The following ARK2C variants were observed in gnomAD, a reference collection of about 807,000 sequenced individuals.
The protein encoded by ARK2C is E3 ubiquitin-protein ligase ARK2C.
chr18:46,355,777 C>T, the ARK2C span, among the ~76,000 whole-genome samples: 1 of 152,348 alleles, frequency 6.6e-6, no homozygotes, highest in East Asian at 1.9e-4. Flanking sequence ...CCCCTCAAGA[C>T]CTTCTCCAAA....
the ARK2C span, among the ~76,000 whole-genome samples, chr18:46,421,353 C>T: frequency 6.6e-6 from 1 of 151,688 alleles, no homozygotes; most frequent in Admixed American, 6.6e-5. Context: ...CCTCCATGCT[C>T]ACCTGTTCGT....
the ARK2C span, among the ~76,000 whole-genome samples, chr18:46,431,829 T>G: frequency 6.6e-6 from 1 of 152,228 alleles, no homozygotes; most frequent in Non-Finnish European, 1.5e-5. Flanking sequence ...CCTTCCAAAG[T>G]AGCCACTGCC....
chr18:46,450,650 C>A, the ARK2C span: 1 of 1,350,168 alleles, frequency 7.4e-7, no homozygotes, highest in Non-Finnish European at 1.1e-6. Context: ...ATCCTGTGTG[C>A]ATGTGGGCAT....
chr18:46,448,026 A>G, the ARK2C span, among the ~76,000 whole-genome samples: 2 of 145,588 alleles, frequency 1.4e-5, no homozygotes, highest in Admixed American at 1.4e-4. Flanking sequence ...CGGCTTCCAT[A>G]TGACCTAGCT....
the ARK2C span, among the ~76,000 whole-genome samples, chr18:46,384,209 C>T: frequency 2.0e-5 from 3 of 152,190 alleles, no homozygotes; most frequent in East Asian, 3.9e-4. Context: ...GCCAACCCCT[C>T]CCTCCATCTA....
chr18:46,435,161 A>G, the ARK2C span: 5 of 689,358 alleles, frequency 7.3e-6, no homozygotes, highest in African/African-American at 8.9e-5. Flanking sequence ...AGTGCTTGCT[A>G]GACTGTGGGT....
the ARK2C span, among the ~76,000 whole-genome samples, chr18:46,381,964 C>A: frequency 5.3e-5 from 8 of 152,220 alleles, no homozygotes; most frequent in Non-Finnish European, 1.0e-4. Flanking sequence ...CCCGCAGGGC[C>A]TCCCTTCTCT....
At chr18:46,357,129 A>G in the ARK2C span, among the ~76,000 whole-genome samples, 1 of 152,326 alleles carries the variant, frequency 6.6e-6, no homozygotes, top group South Asian at 2.1e-4. Context: ...TTGTTTTATC[A>G]TTAAAGAGGA....
chr18:46,453,720 G>T, the ARK2C span, among the ~76,000 whole-genome samples: 1 of 151,780 alleles, frequency 6.6e-6, no homozygotes, highest in Non-Finnish European at 1.5e-5. Flanking sequence ...AAATAGTAAT[G>T]ATGTAAGAAT....
chr18:46,353,179 A>ATCTAAAAATGAGATGATGTCTG, the ARK2C span, among the ~76,000 whole-genome samples: 1 of 152,370 alleles, frequency 6.6e-6, no homozygotes, highest in Non-Finnish European at 1.5e-5. Context: ...AGAATGTTAG[A>ATCTAAAAATGAGATGATGTCTG]TCTAAAAATG....
the ARK2C span, among the ~76,000 whole-genome samples, chr18:46,349,119 T>G: frequency 1.3e-5 from 2 of 152,190 alleles, no homozygotes; most frequent in Non-Finnish European, 2.9e-5. Context: ...GGTGACTGCC[T>G]GAATTACTTC....
chr18:46,361,529 C>T, the ARK2C span, among the ~76,000 whole-genome samples: 2 of 152,212 alleles, frequency 1.3e-5, no homozygotes, highest in Non-Finnish European at 2.9e-5. Flanking sequence ...CCCGGCCACA[C>T]GGTTCCCCTC....
chr18:46,456,178 T>C, the ARK2C span: 1 of 749,238 alleles, frequency 1.3e-6, no homozygotes, highest in Non-Finnish European at 2.3e-6. Context: ...CTTGTTTGCT[T>C]GTGCACGTAT....
At chr18:46,450,421 C>A in the ARK2C span, 261 of 1,546,288 alleles carry the variant, frequency 1.7e-4, 3 homozygotes, top group South Asian at 2.8e-3. Context: ...CTGTCTGGTA[C>A]CAACTGGGTT....
chr18:46,432,894 G>A, the ARK2C span, among the ~76,000 whole-genome samples: 1 of 152,182 alleles, frequency 6.6e-6, no homozygotes, highest in African/African-American at 2.4e-5. Flanking sequence ...GCAGTGAGCC[G>A]AGATCGCGCC....
At chr18:46,393,981 G>C in the ARK2C span, among the ~76,000 whole-genome samples, 1 of 152,208 alleles carries the variant, frequency 6.6e-6, no homozygotes, top group African/African-American at 2.4e-5. Flanking sequence ...GGATGCAGTG[G>C]GGCTGGCCCC....
At chr18:46,422,282 T>C in the ARK2C span, among the ~76,000 whole-genome samples, 1 of 152,222 alleles carries the variant, frequency 6.6e-6, no homozygotes, top group Non-Finnish European at 1.5e-5. Context: ...ATTTTTCCTG[T>C]ATCACTTTCC....
the ARK2C span, among the ~76,000 whole-genome samples, chr18:46,402,519 T>G: frequency 0.21 from 31,347 of 152,100 alleles, 3,654 homozygotes; most frequent in Non-Finnish European, 0.27. Context: ...ATGTGTGTGT[T>G]TTTTTTTCTT....
chr18:46,412,817 A>T, the ARK2C span, among the ~76,000 whole-genome samples: 2 of 151,978 alleles, frequency 1.3e-5, no homozygotes, highest in Non-Finnish European at 2.9e-5. Context: ...CAGATGGCAC[A>T]CCTGTGGGCC....
Sources: allele counts gnomAD v4.1 joint callset (sites outside exome capture counted in the v4.1 genomes callset), GRCh38; gene constraint gnomAD v4.1.1; transcripts MANE v1.5; gene names NCBI Gene and HGNC (gene_info 2026-07-23, HGNC 2026-07-21).